The following LHFPL3 variants were observed in gnomAD, a reference collection of about 807,000 sequenced individuals.
LHFPL3 encodes LHFPL tetraspan subfamily member 3, also known as LHFPL tetraspan subfamily member 3 protein.
A neutral mutation model predicts 19.3 loss-of-function variants in LHFPL3; 5 were observed. The ratio of observed to expected loss-of-function variants is 0.26; its 90% confidence interval spans 0.14 to 0.54. The LOEUF is 0.54. Ranked by LOEUF, LHFPL3 falls within the 20% of genes least tolerant of loss-of-function variation. The pLI is 0.94. For synonymous variants in LHFPL3, 133 were observed against 126.2 expected, an observed-to-expected ratio of 1.05 and a Z score of -0.36; for missense variants, 249 against 307.4, an observed-to-expected ratio of 0.81 and a Z score of 1.42.
intron 2 of LHFPL3, among the ~76,000 whole-genome samples, chr7:104,780,177 T>C (rs1794695559): frequency 6.6e-6 from 1 of 152,150 alleles, no homozygotes; most frequent in African/African-American, 2.4e-5. Flanking sequence ...CCACCCCACA[T>C]ACCAGTGGCC....
chr7:104,504,950 A>G (rs921409656), intron 1 of LHFPL3, among the ~76,000 whole-genome samples: 12 of 152,224 alleles, frequency 7.9e-5, no homozygotes, highest in African/African-American at 2.9e-4. Flanking sequence ...TTAGCCTTCA[A>G]GGATGGCAAA....
chr7:104,666,328 A>C (rs1226197052), intron 1 of LHFPL3, among the ~76,000 whole-genome samples: 2 of 151,622 alleles, frequency 1.3e-5, no homozygotes, highest in African/African-American at 2.4e-5. Context: ...CTCCGCCCTC[A>C]CACATACACT....
intron 1 of LHFPL3, among the ~76,000 whole-genome samples, chr7:104,410,838 C>T (rs1431974238): frequency 2.0e-5 from 3 of 152,136 alleles, no homozygotes; most frequent in Non-Finnish European, 4.4e-5. Flanking sequence ...TAAATTAAAA[C>T]TTTTGAAGGA....
At chr7:104,680,269 T>C (rs962977699) in intron 1 of LHFPL3, among the ~76,000 whole-genome samples, 2 of 152,304 alleles carry the variant, frequency 1.3e-5, no homozygotes, top group East Asian at 1.9e-4. Context: ...GCTGAAAAGA[T>C]GGGAGAAATT....
At chr7:104,423,477 G>T (rs1441404774) in intron 1 of LHFPL3, among the ~76,000 whole-genome samples, 1 of 152,124 alleles carries the variant, frequency 6.6e-6, no homozygotes, top group Non-Finnish European at 1.5e-5. Flanking sequence ...AGCTGGGCAT[G>T]GTGGTGCATG....
intron 1 of LHFPL3, among the ~76,000 whole-genome samples, chr7:104,722,553 G>A (rs1333194238): frequency 1.3e-5 from 2 of 152,176 alleles, no homozygotes; most frequent in Admixed American, 1.3e-4. Context: ...AGATTGTCCA[G>A]TGACTCTGTT....
At chr7:104,587,667 T>C (rs1483397438) in intron 1 of LHFPL3, among the ~76,000 whole-genome samples, 1 of 152,086 alleles carries the variant, frequency 6.6e-6, no homozygotes, top group Non-Finnish European at 1.5e-5. Flanking sequence ...ATGGTATTTC[T>C]AGTTCTAGAT....
chr7:104,383,008 C>T (rs373496271), intron 1 of LHFPL3, among the ~76,000 whole-genome samples: 5 of 152,212 alleles, frequency 3.3e-5, no homozygotes, highest in African/African-American at 7.2e-5. Context: ...GAAACTGAGG[C>T]GCCGTGAGGC....
chr7:104,614,718 T>C (rs957855186), intron 1 of LHFPL3, among the ~76,000 whole-genome samples: 5 of 146,136 alleles, frequency 3.4e-5, no homozygotes, highest in Non-Finnish European at 7.5e-5. Context: ...TTTCTTTCTT[T>C]CTTTCTTTCT....
chr7:104,600,512 A>G (rs1431481459), intron 1 of LHFPL3, among the ~76,000 whole-genome samples: 1 of 152,224 alleles, frequency 6.6e-6, no homozygotes, highest in African/African-American at 2.4e-5. Flanking sequence ...TGATGATGGT[A>G]ATGACAAAAA....
intron 1 of LHFPL3, among the ~76,000 whole-genome samples, chr7:104,441,088 C>A (rs1230097240): frequency 6.6e-6 from 1 of 152,030 alleles, no homozygotes; most frequent in African/African-American, 2.4e-5. Flanking sequence ...TTTTAAAGTT[C>A]ATTATACCAT....
chr7:104,749,316 TATC>T (rs1244400433), intron 2 of LHFPL3, among the ~76,000 whole-genome samples: 2 of 152,288 alleles, frequency 1.3e-5, no homozygotes, highest in Non-Finnish European at 1.5e-5. Context: ...GCACATAAAA[TATC>T]ATCAATATAA....
intron 1 of LHFPL3, among the ~76,000 whole-genome samples, chr7:104,688,571 C>T (rs527686583): frequency 6.5e-4 from 73 of 111,716 alleles, no homozygotes; most frequent in Non-Finnish European, 1.4e-3. Flanking sequence ...TCCCCACCCC[C>T]CTGTGGTGGC....
At chr7:104,591,308 G>T (rs1318812722) in intron 1 of LHFPL3, among the ~76,000 whole-genome samples, 1 of 152,186 alleles carries the variant, frequency 6.6e-6, no homozygotes, top group Non-Finnish European at 1.5e-5. Context: ...AGGCAGGCCT[G>T]ATGGTGACAA....
intron 1 of LHFPL3, among the ~76,000 whole-genome samples, chr7:104,386,125 C>G (rs978127215): frequency 2.6e-5 from 4 of 152,152 alleles, no homozygotes; most frequent in Non-Finnish European, 4.4e-5. Flanking sequence ...CTAGCTGATT[C>G]ACAATGATGG....
chr7:104,656,421 G>T (rs963286602), intron 1 of LHFPL3, among the ~76,000 whole-genome samples: 1 of 152,144 alleles, frequency 6.6e-6, no homozygotes, highest in African/African-American at 2.4e-5. Flanking sequence ...GCTAGGGGCT[G>T]CTTTCCGGGG....
intron 2 of LHFPL3, among the ~76,000 whole-genome samples, chr7:104,763,267 G>A (rs917102503): frequency 2.0e-5 from 3 of 152,142 alleles, no homozygotes; most frequent in African/African-American, 7.2e-5. Context: ...TTATTTCTTT[G>A]TGTTGGTCTC....
At chr7:104,590,875 C>T (rs985478021) in intron 1 of LHFPL3, among the ~76,000 whole-genome samples, 1 of 152,138 alleles carries the variant, frequency 6.6e-6, no homozygotes, top group Non-Finnish European at 1.5e-5. Flanking sequence ...TAATGGCCTT[C>T]TTTGTGTCTT....
intron 2 of LHFPL3, among the ~76,000 whole-genome samples, chr7:104,780,872 C>T (rs771177099): frequency 1.3e-5 from 2 of 152,202 alleles, no homozygotes; most frequent in Non-Finnish European, 2.9e-5. Flanking sequence ...ACTGGATATC[C>T]ATTCTCTGTC....
Sources: gnomAD v4.1 joint callset for allele counts (sites outside exome capture counted in the v4.1 genomes callset) on GRCh38, gnomAD v4.1.1 for gene constraint, MANE v1.5 for transcripts, NCBI Gene and HGNC (gene_info 2026-07-23, HGNC 2026-07-21) for gene names.